The following SH2B1 variants were observed in gnomAD, a reference collection of about 807,000 sequenced individuals.
The protein encoded by SH2B1 is SH2B adaptor protein 1.
In SH2B1, 15 loss-of-function variants were observed where a neutral mutation model predicts 62.6. The ratio of observed to expected loss-of-function variants is 0.24; its 90% CI spans 0.16 to 0.37. The LOEUF is 0.37. Among genes scored for constraint, SH2B1 ranks in the 10% least tolerant of loss-of-function variants. The pLI is 1.00. For synonymous variants in SH2B1, 443 were observed against 438.0 expected, an observed-to-expected ratio of 1.01 and a Z score of -0.14; for missense variants, 925 against 1,015.6, an observed-to-expected ratio of 0.91 and a Z score of 1.21.
Position 28,866,347 on chromosome 16 carries a change from G to C in SH2B1, c.253G>C (p.Gly85Arg). 6.2e-7 allele frequency: 1 copy of C among 1,612,926 alleles called. No homozygotes were observed. Among genetic ancestry groups the C allele is most frequent in the Non-Finnish European group, 8.5e-7 (1 of 1,179,930 alleles). The change falls in exon 1 of 8, where the codon GGC (glycine) becomes CGC (arginine). Residue 85 changes from glycine to arginine, a missense_variant. Gly to Arg is a moderately radical substitution (Grantham distance 125). Transcript: ENST00000684370. The surrounding 1 kb of genome is among the most constrained non-coding windows in gnomAD (Gnocchi z 6.3). The part of the protein sequence containing the change: ...HFEAEVARAS[G>R]SLSPPILAPL... ...TGAAGCCGAGGTGGCCCGGGCCTCT[G>C]GCTCCCTGTCGCCACCCATCCTGGC...
upstream of SH2B1, chr16:28,863,829 C>T (rs1049068533): frequency 3.9e-6 from 6 of 1,534,024 alleles, no homozygotes; most frequent in African/African-American, 5.5e-5. Flanking sequence ...AAAGGGGGTC[C>T]TGACGCCTGC....
At chr16:28,851,981 C>G (rs1353211090) in intron 1 of SH2B1, among the ~76,000 whole-genome samples, 1 of 149,026 alleles carries the variant, frequency 6.7e-6, no homozygotes, top group African/African-American at 2.4e-5. Flanking sequence ...GCAGAAGAAT[C>G]GCTTGAACCC....
Position 28,866,456 on chromosome 16 carries a change from G to T in SH2B1, c.362G>T (p.Gly121Val), listed in dbSNP as rs1404510321. 4 of 1,613,848 alleles carry T rather than the reference G, an allele frequency of 2.5e-6. No homozygotes were observed. The highest frequency in any genetic ancestry group is 3.4e-6 in the Non-Finnish European group (4 of 1,179,992). Residue 121 changes from glycine to valine, a missense_variant, in exon 1 of 8, where the codon GGC becomes GTC. Physicochemically the swap from Gly to Val is moderately radical, Grantham distance 109 (BLOSUM62 -3). Coordinates refer to ENST00000684370, the MANE Select transcript of SH2B1 (RefSeq NM_001387430.1). The surrounding 1 kb of genome is among the most constrained non-coding windows in gnomAD (Gnocchi z 6.3). ...GTGGGTGGGCCCCTGGCTGTGCTGG[G>T]CCCTTCTCGATCATCTGAGGACCTG... ...CRVGGPLAVL[G>V]PSRSSEDLAG...
intron 1 of SH2B1, among the ~76,000 whole-genome samples, chr16:28,855,007 C>G (rs1429047127): frequency 2.6e-5 from 4 of 151,732 alleles, no homozygotes; most frequent in African/African-American, 9.7e-5. Flanking sequence ...TCCTGAGTAG[C>G]TAGGATTACA....
At chr16:28,870,994 CGT>C (rs35079060) in intron 4 of SH2B1, among the ~76,000 whole-genome samples, 42,382 of 141,104 alleles carry the variant, frequency 0.3, 6,475 homozygotes, top group East Asian at 0.52. Context: ...GCCAGAATTC[CGT>C]GTGTGTGTGT....
At position 28,865,241 on chromosome 16, in the gene SH2B1, C is replaced by T; in HGVS notation, c.-854C>T. On this transcript the variant is annotated 5_prime_UTR_variant, in exon 1 of 8. Transcript: ENST00000684370. ...TCTGGGGCCCCTGCGGCCTCTGGCC[C>T]CAGACTGAAGGGATACCAAAGAAGT... 1 of 985,612 alleles carries T rather than the reference C, an allele frequency of 1.0e-6. No individual in the cohort carries two copies. Among genetic ancestry groups the T allele is most frequent in the Non-Finnish European group, 1.2e-6 (1 of 829,952 alleles). The allele number at this position is 985,612 out of a possible 1,614,324, so 61.1% of individuals were successfully genotyped here.
At position 28,865,897 on chromosome 16, in the gene SH2B1, A is replaced by T; in HGVS notation, c.-198A>T. The stretch of plus-strand genomic sequence containing the variant: ...AGGGAGGTGTTGGGCTCCCTTCCCC[A>T]TTGCTCTCTGCGGAGTCTGAAGTAG... On this transcript the variant is annotated 5_prime_UTR_variant, in exon 1 of 8. Transcript: ENST00000684370. 1.5e-6 allele frequency: 2 copies of T among 1,375,156 alleles called. No homozygotes were observed. The highest frequency in any genetic ancestry group is 9.3e-7 in the Non-Finnish European group (1 of 1,069,632). The allele number at this position is 1,375,156 out of a possible 1,614,324, so 85.2% of individuals were successfully genotyped here. A position where few individuals can be genotyped will look rare whatever the true frequency, so the allele number is the denominator to read the frequency against.
In SH2B1 at chr16:28,865,405, C is replaced by G. The variant is rs1962629630; in HGVS notation, c.-690C>G. On this transcript the variant is annotated 5_prime_UTR_variant, in exon 1 of 8. Transcript: ENST00000684370. ...TCGGCCCCCTCCAAAGAGTTGGACC[C>G]TAAGATGCGTGAGGCAGGCTCTCTA... 1 of 985,646 alleles carries G rather than the reference C, an allele frequency of 1.0e-6. No homozygotes were observed. Among genetic ancestry groups the G allele is most frequent in the Non-Finnish European group, 1.2e-6 (1 of 829,970 alleles). 61.1% of individuals were successfully genotyped at this position (985,646 alleles called of 1,614,324 possible). A position where few individuals can be genotyped will look rare whatever the true frequency, so the allele number is the denominator to read the frequency against.
At chr16:28,847,201 A>G (rs1210420484) in intron 1 of SH2B1, among the ~76,000 whole-genome samples, 3 of 152,206 alleles carry the variant, frequency 2.0e-5, no homozygotes, top group Non-Finnish European at 4.4e-5. Context: ...CTTTAAGGGG[A>G]GCCTGAGTCT....
At chr16:28,857,541 G>C (rs1962346533) in intron 1 of SH2B1, among the ~76,000 whole-genome samples, 1 of 152,126 alleles carries the variant, frequency 6.6e-6, no homozygotes, top group African/African-American at 2.4e-5. Context: ...ATAGAATGCA[G>C]GAAAGCACTA....
Position 28,871,994 on chromosome 16 carries a change from T to A in SH2B1, c.1513+11T>A, listed in dbSNP as rs752049079. The A allele has an allele frequency of 6.4e-7, 1 of 1,557,062 alleles. No individual in the cohort carries two copies. The highest frequency in any genetic ancestry group is 8.8e-7 in the Non-Finnish European group (1 of 1,130,146). On this transcript the variant is annotated intron_variant, in intron 5 of 7. Transcript: ENST00000684370. Reference sequence around the variant, plus strand: ...CGGAAACAGCCACAGGTACCGGAGGTGTGAGTGTGCATGTCTCCAGGCCTG... The same window carrying A: ...CGGAAACAGCCACAGGTACCGGAGGAGTGAGTGTGCATGTCTCCAGGCCTG...
rs1438940561 is a variant in SH2B1, at chr16:28,872,278, G to T, written c.1602G>T (p.Arg534=). The part of the protein sequence containing the change: ...GYPWFHGMLS[R]LKAAQLVLTG... ...CTTGGTTCCACGGGATGCTCTCTCGGCTCAAGGCTGCACAGTTGGTGCTGA... is the reference window on the plus strand; with the variant it reads ...CTTGGTTCCACGGGATGCTCTCTCGTCTCAAGGCTGCACAGTTGGTGCTGA... Residue 534 remains arginine, a synonymous_variant, in exon 6 of 8, where the codon CGG becomes CGT. Coordinates refer to ENST00000684370, the MANE Select transcript of SH2B1 (RefSeq NM_001387430.1). This position sits in a 1 kb window ranked among gnomAD's most constrained non-coding sequence, Gnocchi z 5.3. The T allele has an allele frequency of 3.7e-6, 6 of 1,613,964 alleles. No homozygotes were observed. The highest frequency in any genetic ancestry group is 4.2e-6 in the Non-Finnish European group (5 of 1,179,956).
chr16:28,851,608 G>C (rs1325485543), intron 1 of SH2B1, among the ~76,000 whole-genome samples: 1 of 151,196 alleles, frequency 6.6e-6, no homozygotes, highest in East Asian at 2.0e-4. Flanking sequence ...GATTCCAGGC[G>C]CCTGCCACCA....
chr16:28,874,038 TG>T lies in SH2B1; in HGVS notation c.*219del. 1 of 408,708 alleles carries T rather than the reference TG, an allele frequency of 2.4e-6. No individual in the cohort carries two copies. The highest frequency in any genetic ancestry group is 4.2e-6 in the Non-Finnish European group (1 of 237,798). 25.3% of individuals were successfully genotyped at this position (408,708 alleles called of 1,614,324 possible). On this transcript the variant is annotated 3_prime_UTR_variant, in exon 8 of 8. Transcript: ENST00000684370. The stretch of plus-strand genomic sequence containing the variant: ...GGGGATTTGGGCTCCATGAGCTCCT[TG>T]AGGGGCTCTTCTGGTCAGCCCCACC...
At chr16:28,862,167 A>G (rs1359942798), upstream of SH2B1, 3 of 152,180 alleles carry the variant, frequency 2.0e-5, no homozygotes, top group African/African-American at 7.2e-5. Context: ...CACTGTGCTC[A>G]TGCTTTCAAC....
upstream of SH2B1, chr16:28,863,816 G>A: frequency 6.5e-7 from 1 of 1,534,878 alleles, no homozygotes; most frequent in East Asian, 2.4e-5. Context: ...CTTCAGCGAC[G>A]GGAAAGGGGG....
chr16:28,852,593 CATAT>C (rs1162420074), intron 1 of SH2B1, among the ~76,000 whole-genome samples: 19 of 59,996 alleles, frequency 3.2e-4, no homozygotes, highest in Non-Finnish European at 4.4e-4. Context: ...TATATATACA[CATAT>C]ATATTTATAT....
rs548477086 is a variant in SH2B1 at position 28,873,392 on chromosome 16, G to C, written c.1898-55G>C. On this transcript the variant is annotated intron_variant, in intron 7 of 7. Coordinates refer to ENST00000684370, the MANE Select transcript of SH2B1 (RefSeq NM_001387430.1). This position sits in a 1 kb window ranked among gnomAD's most constrained non-coding sequence, Gnocchi z 4.2. The stretch of plus-strand genomic sequence containing the variant: ...GGGGGCTGAGTGAAGGGGAGGCCAC[G>C]GCAGGAGCTCACCTGCCTCCACAAT... 1.2e-5 allele frequency: 19 copies of C among 1,581,056 alleles called. No individual in the cohort carries two copies. Among genetic ancestry groups the C allele is most frequent in the Non-Finnish European group, 1.4e-5 (17 of 1,173,348 alleles).
intron 1 of SH2B1, among the ~76,000 whole-genome samples, chr16:28,848,060 A>G (rs547173188): frequency 6.6e-6 from 1 of 151,816 alleles, no homozygotes; most frequent in East Asian, 2.0e-4. Flanking sequence ...TCCAGACCTC[A>G]AGTGATCCGC....
Sources: allele counts gnomAD v4.1 joint callset (sites outside exome capture counted in the v4.1 genomes callset), GRCh38; gene constraint gnomAD v4.1.1; non-coding constraint Gnocchi (gnomAD v3.1); transcripts MANE v1.5; gene names NCBI Gene and HGNC (gene_info 2026-07-23, HGNC 2026-07-21).